LEPR: variants seen among roughly 807,000 people sequenced by gnomAD.
LEPR encodes OB receptor.
Under a neutral mutation model 114.7 loss-of-function variants are expected in LEPR, and 56 were observed. The ratio of observed to expected loss-of-function variants is 0.49; its 90% confidence interval spans 0.39 to 0.61. The LOEUF is 0.61. Among genes scored for constraint, LEPR ranks in the 20% least tolerant of loss-of-function variants. The probability of loss-of-function intolerance (pLI) is 0.00; values close to 1 mark genes in which losing one functional copy is unlikely to be tolerated. For missense variants in LEPR, 1,202 were observed against 1,352.9 expected (o/e 0.89, Z 1.75); for synonymous variants, 443 against 461.4 (o/e 0.96, Z 0.51).
intron 2 of LEPR, among the ~76,000 whole-genome samples, chr1:65,464,808 T>G (rs181125452): frequency 5.4e-4 from 83 of 152,378 alleles, no homozygotes; most frequent in Admixed American, 7.2e-4. Context: ...TTCTAGTTTA[T>G]TTGCATATAG....
chr1:65,483,344 A>G (rs1271720781), intron 2 of LEPR, among the ~76,000 whole-genome samples: 1 of 152,194 alleles, frequency 6.6e-6, no homozygotes, highest in African/African-American at 2.4e-5. Flanking sequence ...ACGACAATGT[A>G]TCACCATTTC....
At chr1:65,570,435 A>AT (rs777779691) in intron 3 of LEPR, 38 bp from the exon 4 acceptor site, 9 of 1,591,304 alleles carry the variant, frequency 5.7e-6, no homozygotes, top group African/African-American at 1.3e-5. Context: ...AGTCAAAATG[A>AT]TTACTTTTTT....
At chr1:65,614,856 C>T (rs1657428842) in intron 14 of LEPR, among the ~76,000 whole-genome samples, 1 of 151,988 alleles carries the variant, frequency 6.6e-6, no homozygotes, top group East Asian at 1.9e-4. Context: ...TTTCTAATTA[C>T]CATCGTTCAA....
At chr1:65,518,929 G>C (rs941741052) in intron 2 of LEPR, among the ~76,000 whole-genome samples, 117 of 89,104 alleles carry the variant, frequency 1.3e-3, no homozygotes, top group African/African-American at 5.2e-3. Flanking sequence ...CTCTTTCTCT[G>C]TTTCTTTCTT....
At chr1:65,636,081 G>T in intron 19 of LEPR, 110 bp from the exon 20 acceptor site, 1 of 1,250,596 alleles carries the variant, frequency 8.0e-7, no homozygotes. Context: ...ATTTGTGGTT[G>T]ACTTATGTTC....
intron 19 of LEPR, among the ~76,000 whole-genome samples, chr1:65,630,696 TTGTG>T (rs71058415): frequency 6.0e-5 from 9 of 149,536 alleles, no homozygotes; most frequent in African/African-American, 2.0e-4. Flanking sequence ...TTTCTTTGTT[TTGTG>T]TGTGTGTGTG....
chr1:65,420,677 G>C lies in LEPR; in HGVS notation c.-160G>C, dbSNP rs778179157. 20 of 1,563,430 alleles carry C rather than the reference G, an allele frequency of 1.3e-5. No individual in the cohort carries two copies. Among genetic ancestry groups the C allele is most frequent in the East Asian group, 2.4e-5 (1 of 42,160 alleles). ...CCGGTCTGGCTTGGGCAGGCTGCCC[G>C]GGCCGTGGCAGGAAGCCGGAAGCAG... On this transcript the variant is annotated 5_prime_UTR_variant, in exon 1 of 20. Transcript: ENST00000349533.
intron 2 of LEPR, among the ~76,000 whole-genome samples, chr1:65,515,053 T>C (rs1441670322): frequency 6.6e-6 from 1 of 152,226 alleles, no homozygotes; most frequent in Admixed American, 6.5e-5. Flanking sequence ...TTACAAGGAA[T>C]ATTTTGTTGG....
At chr1:65,505,636 T>A (rs1210325076) in intron 2 of LEPR, among the ~76,000 whole-genome samples, 1 of 152,140 alleles carries the variant, frequency 6.6e-6, no homozygotes, top group Non-Finnish European at 1.5e-5. Flanking sequence ...CAACTCCAGC[T>A]CCCACCCCCT....
chr1:65,518,842 TTTTCTTTTTCTCTTTTCTTTC>T (rs1649419089), intron 2 of LEPR, among the ~76,000 whole-genome samples: 1 of 147,094 alleles, frequency 6.8e-6, no homozygotes, highest in Non-Finnish European at 1.5e-5. Context: ...CTTTTTTCTT[TTTTCTTTTTCTCTTTTCTTTC>T]TTTCTTTCTT....
chr1:65,451,511 C>T (rs1294323515), intron 2 of LEPR, among the ~76,000 whole-genome samples: 1 of 152,002 alleles, frequency 6.6e-6, no homozygotes, highest in Non-Finnish European at 1.5e-5. Flanking sequence ...GCCAGTTTTC[C>T]CAGTACCATT....
intron 11 of LEPR, among the ~76,000 whole-genome samples, chr1:65,608,149 TG>T (rs980857872): frequency 2.5e-5 from 3 of 120,838 alleles, no homozygotes; most frequent in African/African-American, 9.4e-5. Context: ...ATGCAGTCCA[TG>T]GGTTTTTTTT....
At chr1:65,498,062 T>C (rs1037946193) in intron 2 of LEPR, among the ~76,000 whole-genome samples, 1 of 152,160 alleles carries the variant, frequency 6.6e-6, no homozygotes, top group Non-Finnish European at 1.5e-5. Context: ...ATACTCCATA[T>C]GGTGTATGAA....
intron 2 of LEPR, among the ~76,000 whole-genome samples, chr1:65,553,983 A>G (rs1351980131): frequency 1.3e-5 from 2 of 151,894 alleles, no homozygotes; most frequent in Admixed American, 6.6e-5. Context: ...GGTCTGATGG[A>G]GTTTGCTTGA....
intron 12 of LEPR, 78 bp from the exon 13 acceptor site, chr1:65,609,869 A>C: frequency 6.3e-7 from 1 of 1,597,320 alleles, no homozygotes; most frequent in Non-Finnish European, 8.6e-7. Flanking sequence ...TTAAGGTTTA[A>C]AATAAAATGT....
chr1:65,632,719 A>C (rs1242215074), intron 19 of LEPR, among the ~76,000 whole-genome samples: 1 of 152,060 alleles, frequency 6.6e-6, no homozygotes, highest in Non-Finnish European at 1.5e-5. Flanking sequence ...TGGTTCTGTG[A>C]TTCTATTCTT....
intron 2 of LEPR, chr1:65,431,846 T>C: frequency 6.2e-7 from 1 of 1,614,088 alleles, no homozygotes; most frequent in Non-Finnish European, 8.5e-7. Context: ...GGCAATGCAG[T>C]CATTTTCCTT....
intron 2 of LEPR, among the ~76,000 whole-genome samples, chr1:65,499,199 G>A (rs564745675): frequency 5.5e-4 from 84 of 152,214 alleles, no homozygotes; most frequent in African/African-American, 2.0e-3. Flanking sequence ...TTATAAGAGT[G>A]AGACACTGTA....
intron 2 of LEPR, chr1:65,429,961 T>G (rs758580744): frequency 6.3e-7 from 1 of 1,580,076 alleles, no homozygotes. Flanking sequence ...CAACCAGTAG[T>G]GCCTGTCGGG....
Sources: allele counts gnomAD v4.1 joint callset (sites outside exome capture counted in the v4.1 genomes callset), GRCh38; gene constraint gnomAD v4.1.1; transcripts MANE v1.5; gene names NCBI Gene and HGNC (gene_info 2026-07-23, HGNC 2026-07-21).